KCNH7: variants seen among roughly 807,000 people sequenced by gnomAD.
KCNH7 encodes the protein voltage-gated inwardly rectifying potassium channel KCNH7.
In KCNH7, 49 loss-of-function variants were observed where a neutral mutation model predicts 120.8. The ratio of observed to expected loss-of-function variants is 0.41; its 90% CI spans 0.32 to 0.51. KCNH7 has a LOEUF of 0.51. Ranked by LOEUF, KCNH7 falls within the 20% of genes least tolerant of loss-of-function variation. The probability of loss-of-function intolerance (pLI) is 0.38; values close to 1 mark genes in which losing one functional copy is unlikely to be tolerated. For synonymous variants in KCNH7, 547 were observed against 516.1 expected (o/e 1.06, Z -0.81); for missense variants, 1,097 against 1,446.6 (o/e 0.76, Z 3.92).
At chr2:162,672,275 G>A (rs997661599) in intron 2 of KCNH7, among the ~76,000 whole-genome samples, 2 of 151,968 alleles carry the variant, frequency 1.3e-5, no homozygotes, top group Non-Finnish European at 2.9e-5. Context: ...GTAACTTTTA[G>A]CAAATTTCAA....
At chr2:162,700,918 G>T (rs1039782392) in intron 2 of KCNH7, among the ~76,000 whole-genome samples, 1 of 152,148 alleles carries the variant, frequency 6.6e-6, no homozygotes, top group Non-Finnish European at 1.5e-5. Context: ...AATATTGGTT[G>T]CTCTCTTTAA....
At chr2:162,598,041 C>T (rs1318303594) in intron 2 of KCNH7, among the ~76,000 whole-genome samples, 1 of 152,022 alleles carries the variant, frequency 6.6e-6, no homozygotes, top group Non-Finnish European at 1.5e-5. Context: ...TTTGCTTCCC[C>T]TTTACCTGCA....
At chr2:162,465,676 G>T (rs750779375) in intron 6 of KCNH7, among the ~76,000 whole-genome samples, 1 of 152,138 alleles carries the variant, frequency 6.6e-6, no homozygotes, top group African/African-American at 2.4e-5. Flanking sequence ...ATTCATTGAG[G>T]TTATAAGCAG....
rs1692129611 is a variant in KCNH7, at chr2:162,536,956, T to C, written c.432A>G (p.Val144=). 6.2e-7 allele frequency: 1 copy of C among 1,612,796 alleles called. No homozygotes were observed. Among genetic ancestry groups the C allele is most frequent in the African/African-American group, 1.3e-5 (1 of 74,856 alleles). ...CAGTTTTGATTGGTAATATTGGGTT[T>C]ACCCTCTCTGGGGTGGCAGCGTTTT... ...DNENAATPER[V]NPILPIKTVN... Residue 144 remains valine, a synonymous_variant, in exon 3 of 16, where the codon GTA becomes GTG. Transcript: ENST00000332142.
intron 2 of KCNH7, among the ~76,000 whole-genome samples, chr2:162,640,252 T>C (rs975868621): frequency 6.6e-6 from 1 of 152,160 alleles, no homozygotes; most frequent in Non-Finnish European, 1.5e-5. Flanking sequence ...TAGAGCAATT[T>C]GAAAGAGATT....
chr2:162,517,829 C>G lies in KCNH7; in HGVS notation c.793G>C (p.Glu265Gln). 6.2e-7 allele frequency: 1 copy of G among 1,612,338 alleles called. No individual in the cohort carries two copies. Among genetic ancestry groups the G allele is most frequent in the Non-Finnish European group, 8.5e-7 (1 of 1,178,896 alleles). ...GCTCTCCGTATACTACATAAGCTTTCCCTTGATCTGGAATGGGACAGCTGG... is the reference window on the plus strand; with the variant it reads ...GCTCTCCGTATACTACATAAGCTTTGCCTTGATCTGGAATGGGACAGCTGG... Reference protein sequence around the residue: ...SSQLSHSRSRESLCSIRRASS... With the variant: ...SSQLSHSRSRQSLCSIRRASS... Residue 265 changes from glutamate to glutamine, a missense_variant, in exon 4 of 16, where the codon GAA becomes CAA. Physicochemically the swap from Glu to Gln is conservative, Grantham distance 29 (BLOSUM62 2). This residue lies in a region of KCNH7 where 362 missense variants were observed against 372.2 expected (regional missense o/e 0.97). Transcript: ENST00000332142.
At chr2:162,562,047 C>T (rs1693088935) in intron 2 of KCNH7, among the ~76,000 whole-genome samples, 1 of 151,988 alleles carries the variant, frequency 6.6e-6, no homozygotes, top group African/African-American at 2.4e-5. Flanking sequence ...TCATCACACA[C>T]CGGGGCCTGT....
chr2:162,539,541 A>G (rs1209025940), intron 2 of KCNH7, among the ~76,000 whole-genome samples: 4 of 152,072 alleles, frequency 2.6e-5, no homozygotes, highest in Non-Finnish European at 5.9e-5. Context: ...AAGTGTTTGA[A>G]AATTTACTGT....
intron 2 of KCNH7, among the ~76,000 whole-genome samples, chr2:162,564,755 T>C (rs770301178): frequency 7.2e-5 from 11 of 152,186 alleles, no homozygotes; most frequent in Admixed American, 4.6e-4. Context: ...TACATGGTTC[T>C]ACCTCTAAAG....
chr2:162,423,660 G>A, intron 8 of KCNH7, 125 bp from the exon 9 acceptor site: 2 of 831,154 alleles, frequency 2.4e-6, no homozygotes, highest in Non-Finnish European at 3.6e-6. Flanking sequence ...TGGATCACGG[G>A]GAAAAAAAGA....
Position 162,719,239 on chromosome 2 carries a change from A to G in KCNH7, c.307+117298T>C, listed in dbSNP as rs997751519. Among the ~76,000 whole-genome samples the G allele has an allele frequency of 3.3e-5, 5 of 152,076 alleles. No homozygotes were observed. The South Asian group carries it at 1.0e-3, about 31-fold the overall frequency. On this transcript the variant is annotated intron_variant, in intron 2 of 15. Coordinates refer to ENST00000332142, the MANE Select transcript of KCNH7 (RefSeq NM_033272.4). ...ATTTCAAAGAACCTTATTGTAAAATATTGTATACAGTGAATATCTATACTT... is the reference window on the plus strand; with the variant it reads ...ATTTCAAAGAACCTTATTGTAAAATGTTGTATACAGTGAATATCTATACTT...
chr2:162,718,138 T>C (rs1011217826), intron 2 of KCNH7, among the ~76,000 whole-genome samples: 21 of 152,020 alleles, frequency 1.4e-4, no homozygotes, highest in Non-Finnish European at 2.6e-4. Context: ...GTGATTTTAG[T>C]TGATCTCTTA....
At chr2:162,494,739 T>C (rs1364664962) in intron 6 of KCNH7, among the ~76,000 whole-genome samples, 1 of 152,142 alleles carries the variant, frequency 6.6e-6, no homozygotes, top group Non-Finnish European at 1.5e-5. Context: ...TAATCAGATA[T>C]AGGACTTGGA....
intron 2 of KCNH7, among the ~76,000 whole-genome samples, chr2:162,549,902 C>G (rs1166857013): frequency 2.0e-5 from 3 of 152,102 alleles, no homozygotes; most frequent in East Asian, 3.9e-4. Flanking sequence ...AGGCCATGTA[C>G]CCAAATTTCA....
intron 2 of KCNH7, among the ~76,000 whole-genome samples, chr2:162,577,397 CCATCT>C (rs1693723583): frequency 6.9e-6 from 1 of 145,664 alleles, no homozygotes; most frequent in Non-Finnish European, 1.5e-5. Context: ...ATCTATCTAT[CCATCT>C]ATCTATCTAT....
chr2:162,544,436 C>T (rs112389521), intron 2 of KCNH7, among the ~76,000 whole-genome samples: 2,269 of 152,148 alleles, frequency 0.015, 59 homozygotes, highest in African/African-American at 0.052. Flanking sequence ...GATTTAGATC[C>T]TCACAAAAAT....
At chr2:162,724,671 C>CAAAAAAAAAAAAAAAAA (rs71009368) in intron 2 of KCNH7, among the ~76,000 whole-genome samples, 35 of 123,838 alleles carry the variant, frequency 2.8e-4, no homozygotes, top group East Asian at 2.7e-3. Flanking sequence ...GACTCCGTCT[C>CAAAAAAAAAAAAAAAAA]AAAAAAAAAA....
At chr2:162,777,888 T>C (rs550534380) in intron 2 of KCNH7, among the ~76,000 whole-genome samples, 2 of 152,256 alleles carry the variant, frequency 1.3e-5, no homozygotes, top group Non-Finnish European at 2.9e-5. Context: ...CATTATCACA[T>C]TGAATGTAAT....
intron 2 of KCNH7, among the ~76,000 whole-genome samples, chr2:162,657,381 C>T (rs904210496): frequency 6.6e-6 from 1 of 152,134 alleles, no homozygotes; most frequent in Non-Finnish European, 1.5e-5. Context: ...TTTTCCTTTT[C>T]CAGAATGTTT....
Sources: gnomAD v4.1 joint callset for allele counts (sites outside exome capture counted in the v4.1 genomes callset) on GRCh38, gnomAD v4.1.1 for gene constraint, gnomAD v4.1.1 regional missense constraint, MANE v1.5 for transcripts, NCBI Gene and HGNC (gene_info 2026-07-23, HGNC 2026-07-21) for gene names.